MAP3K5: variants seen among roughly 807,000 people sequenced by gnomAD.
MAP3K5 encodes the protein ASK-1.
MAP3K5 carries 56 observed loss-of-function variants against 158.7 expected under a neutral mutation model. The observed-to-expected ratio is 0.35, with a 90% CI of 0.28 to 0.44. The LOEUF (loss-of-function observed/expected upper bound fraction) is 0.44, where lower values mean the gene tolerates loss of function less well. MAP3K5 is among the 20% of genes least tolerant of loss of function. MAP3K5 has a pLI of 1.00. For synonymous variants in MAP3K5, 579 were observed against 601.7 expected, an observed-to-expected ratio of 0.96 and a Z score of 0.55; for missense variants, 1,294 against 1,674.8, an observed-to-expected ratio of 0.77 and a Z score of 3.97.
intron 14 of MAP3K5, among the ~76,000 whole-genome samples, chr6:136,628,001 T>C (rs1777124097): frequency 1.3e-5 from 2 of 152,178 alleles, no homozygotes; most frequent in Non-Finnish European, 1.5e-5. Context: ...AATCAAGTTA[T>C]AGAAAAATGT....
chr6:136,677,038 C>T (rs1264318815), intron 7 of MAP3K5, among the ~76,000 whole-genome samples: 1 of 151,572 alleles, frequency 6.6e-6, no homozygotes, highest in East Asian at 1.9e-4. Flanking sequence ...GATCCACCTG[C>T]CTCAGCTTCC....
chr6:136,754,603 GAAAA>G (rs1488424071), intron 1 of MAP3K5, among the ~76,000 whole-genome samples: 2 of 147,564 alleles, frequency 1.4e-5, no homozygotes, highest in African/African-American at 5.0e-5. Context: ...AAGAAAGAAA[GAAAA>G]GAAAATCCTG....
chr6:136,714,125 A>T (rs1361255703), intron 2 of MAP3K5, among the ~76,000 whole-genome samples: 1 of 152,208 alleles, frequency 6.6e-6, no homozygotes, highest in African/African-American at 2.4e-5. Flanking sequence ...AAGGGAGGCA[A>T]AACTTTAACA....
intron 21 of MAP3K5, among the ~76,000 whole-genome samples, chr6:136,594,434 C>A (rs1292902047): frequency 6.6e-6 from 1 of 152,076 alleles, no homozygotes; most frequent in Non-Finnish European, 1.5e-5. Flanking sequence ...TTGGGGGGAA[C>A]GGACTTTAGA....
intron 1 of MAP3K5, among the ~76,000 whole-genome samples, chr6:136,744,807 T>A (rs1782862749): frequency 6.6e-6 from 1 of 152,136 alleles, no homozygotes. Context: ...AGCCCAGAGA[T>A]CCTAATTTAC....
chr6:136,594,852 G>A (rs1775553755), intron 21 of MAP3K5, among the ~76,000 whole-genome samples: 1 of 151,964 alleles, frequency 6.6e-6, no homozygotes, highest in African/African-American at 2.4e-5. Flanking sequence ...AAGAAGAGAA[G>A]GAGTAAGGAC....
rs188837794 is a variant in MAP3K5, at chr6:136,572,326, T to G, written c.3518-4452A>C. Among the ~76,000 whole-genome samples, 12 of 152,348 alleles carry G rather than the reference T, an allele frequency of 7.9e-5. No homozygotes were observed. The East Asian group carries it at 2.1e-3, about 27-fold the overall frequency. ...CAGGCTGGAGTGCAATGGCACGATC[T>G]TGGCTCACTGCAACCTCCACCTCCT... On this transcript the variant is annotated intron_variant, in intron 25 of 29. Transcript: ENST00000359015.
chr6:136,653,142 T>C (rs531372502), intron 10 of MAP3K5, among the ~76,000 whole-genome samples: 1 of 152,300 alleles, frequency 6.6e-6, no homozygotes, highest in African/African-American at 2.4e-5. Context: ...CCTTCCTCTT[T>C]CCCGACGTTA....
At chr6:136,593,537 A>C (rs1406876834) in intron 21 of MAP3K5, among the ~76,000 whole-genome samples, 1 of 152,190 alleles carries the variant, frequency 6.6e-6, no homozygotes, top group Admixed American at 6.5e-5. Flanking sequence ...AAAAGGAAAC[A>C]GGTCTGGAGG....
chr6:136,723,210 G>A (rs1274634374), intron 1 of MAP3K5, among the ~76,000 whole-genome samples: 1 of 151,610 alleles, frequency 6.6e-6, no homozygotes, highest in African/African-American at 2.4e-5. Context: ...ATGTAATAAT[G>A]ATATATATGT....
chr6:136,579,155 GTATC>G, intron 25 of MAP3K5, among the ~76,000 whole-genome samples: 1 of 151,984 alleles, frequency 6.6e-6, no homozygotes, highest in South Asian at 2.1e-4. Context: ...ATATAAATCT[GTATC>G]TATCCATGTA....
chr6:136,609,021 C>A lies in MAP3K5; in HGVS notation c.2521+2261G>T, dbSNP rs573304702. 6.6e-6 allele frequency among the ~76,000 whole-genome samples: 1 copy of A among 152,202 alleles called. No homozygotes were observed. Among genetic ancestry groups the A allele is most frequent in the African/African-American group, 2.4e-5 (1 of 41,450 alleles). On this transcript the variant is annotated intron_variant, in intron 18 of 29. Transcript: ENST00000359015. This position sits in a 1 kb window ranked among gnomAD's most constrained non-coding sequence, Gnocchi z 4.4. ...ATGTTAGTGACACACGTCACTCTTA[C>A]GTGACACCAGTGGAAGAGGTCCAAG... is the stretch of plus-strand genomic sequence containing the variant.
chr6:136,622,856 TC>T lies in MAP3K5; in HGVS notation c.2141del (p.Arg714LysfsTer13). 5 of 1,613,930 alleles carry T rather than the reference TC, an allele frequency of 3.1e-6. No homozygotes were observed. Among genetic ancestry groups the T allele is most frequent in the Non-Finnish European group, 4.2e-6 (5 of 1,179,838 alleles). ...AGCTACAATTACTGTACCTGCTGTC[TC>T]TCTCTGGGATTTCCTTAATAGCAAT... ...VRIAIKEIPE[R>X]DSRYSQPLHE... On this transcript the variant is annotated frameshift_variant, in exon 15 of 30. Coordinates refer to ENST00000359015, the MANE Select transcript of MAP3K5 (RefSeq NM_005923.4). LOFTEE classifies it high-confidence loss of function.
chr6:136,766,266 C>G (rs2114988086), intron 1 of MAP3K5, among the ~76,000 whole-genome samples: 1 of 152,348 alleles, frequency 6.6e-6, no homozygotes, highest in East Asian at 1.9e-4. Flanking sequence ...TCTAGTTTAT[C>G]TTTCAGAACA....
At chr6:136,659,423 C>A in intron 8 of MAP3K5, 45 bp from the exon 9 acceptor site, 7 of 1,538,130 alleles carry the variant, frequency 4.6e-6, no homozygotes, top group Non-Finnish European at 6.2e-6. Context: ...GCACCCCACA[C>A]AGGTAGAACC....
chr6:136,594,005 G>A (rs1443828504), intron 21 of MAP3K5, among the ~76,000 whole-genome samples: 1 of 152,094 alleles, frequency 6.6e-6, no homozygotes, highest in Non-Finnish European at 1.5e-5. Context: ...CACCTTACTG[G>A]TCAGTAACTG....
intron 8 of MAP3K5, among the ~76,000 whole-genome samples, chr6:136,667,555 A>G (rs1779280989): frequency 6.6e-6 from 1 of 152,170 alleles, no homozygotes; most frequent in Non-Finnish European, 1.5e-5. Context: ...AGTGCACTCC[A>G]GCTTGGGTGA....
In MAP3K5 at chr6:136,791,892, C is replaced by T; in HGVS notation, c.266G>A (p.Arg89Gln). ...GATCACATATGCCACCGTGGTCCGT[C>T]GGCTGCCCCCGCCAACAGAGCTGCC... ...GRGSSVGGGS[R>Q]RTTVAYVINE... The change falls in exon 1 of 30, where the codon CGA becomes CAA. Residue 89 changes from arginine to glutamine, a missense_variant. By Grantham distance (43) the Arg-to-Gln change is conservative. Transcript: ENST00000359015. The T allele has an allele frequency of 6.2e-7, 1 of 1,613,244 alleles. No homozygotes were observed.
chr6:136,789,026 G>A (rs561148702), intron 1 of MAP3K5, among the ~76,000 whole-genome samples: 4 of 152,244 alleles, frequency 2.6e-5, no homozygotes, highest in Admixed American at 1.3e-4. Flanking sequence ...GGCTGGGTGC[G>A]GTGGCTCACG....
Sources: allele counts gnomAD v4.1 joint callset (sites outside exome capture counted in the v4.1 genomes callset), GRCh38; gene constraint gnomAD v4.1.1; non-coding constraint Gnocchi (gnomAD v3.1); transcripts MANE v1.5; gene names NCBI Gene and HGNC (gene_info 2026-07-23, HGNC 2026-07-21).